AGBL1: variants seen among roughly 807,000 people sequenced by gnomAD.
AGBL1 encodes AGBL carboxypeptidase 1, also known as cytosolic carboxypeptidase 4.
AGBL1 carries 130 observed loss-of-function variants against 118.9 expected under a neutral mutation model. That is an observed-to-expected ratio of 1.09 (90% CI 0.95 to 1.26). The LOEUF is 1.26. AGBL1 is among the 50% of genes most tolerant of loss of function. The pLI is 0.00. For missense variants in AGBL1, 1,584 were observed against 1,298.1 expected, an observed-to-expected ratio of 1.22 and a Z score of -3.38; for synonymous variants, 555 against 478.9, an observed-to-expected ratio of 1.16 and a Z score of -2.08.
chr15:86,476,179 G>T (rs1392157305), intron 18 of AGBL1, among the ~76,000 whole-genome samples: 4 of 152,128 alleles, frequency 2.6e-5, no homozygotes, highest in African/African-American at 9.7e-5. Context: ...CAACTAATGA[G>T]CAAAATAACC....
chr15:86,787,130 A>G (rs187323209), intron 22 of AGBL1, among the ~76,000 whole-genome samples: 2 of 152,294 alleles, frequency 1.3e-5, no homozygotes, highest in East Asian at 1.9e-4. Flanking sequence ...ATGAATTTGT[A>G]TATATTTAAT....
chr15:86,964,031 C>CTCTCTCTG (rs1183866210), intron 23 of AGBL1, among the ~76,000 whole-genome samples: 155 of 146,300 alleles, frequency 1.1e-3, no homozygotes, highest in Admixed American at 2.4e-3. Context: ...CTCTCTCTCT[C>CTCTCTCTG]TGTGTGTGTG....
chr15:86,678,087 G>C (rs1032869286), intron 22 of AGBL1, among the ~76,000 whole-genome samples: 32 of 152,160 alleles, frequency 2.1e-4, no homozygotes, highest in African/African-American at 7.0e-4. Context: ...GCTAAGTCTA[G>C]TAATTAACCT....
intron 22 of AGBL1, among the ~76,000 whole-genome samples, chr15:86,766,437 C>G (rs2078098109): frequency 6.6e-6 from 1 of 151,894 alleles, no homozygotes; most frequent in African/African-American, 2.4e-5. Context: ...CCCTATGTCT[C>G]AGACAAGTTA....
At chr15:86,491,370 G>A (rs2142142332) in intron 18 of AGBL1, among the ~76,000 whole-genome samples, 1 of 152,244 alleles carries the variant, frequency 6.6e-6, no homozygotes, top group Middle Eastern at 3.4e-3. Flanking sequence ...GGAGGTGCAT[G>A]TGAGGACCAG....
chr15:86,536,120 A>G (rs7169569), intron 19 of AGBL1, among the ~76,000 whole-genome samples: 2,516 of 152,302 alleles, frequency 0.017, 68 homozygotes, highest in African/African-American at 0.056. Flanking sequence ...AAGGTTAAAC[A>G]AGGCTTCTTT....
intron 19 of AGBL1, among the ~76,000 whole-genome samples, chr15:86,524,513 C>T (rs962780426): frequency 5.9e-5 from 9 of 152,132 alleles, no homozygotes; most frequent in Admixed American, 5.9e-4. Context: ...AACCAGGAAA[C>T]CTCACTTAGC....
chr15:86,242,223 A>G (rs74492248), intron 6 of AGBL1, among the ~76,000 whole-genome samples: 6,063 of 152,210 alleles, frequency 0.04, 388 homozygotes, highest in African/African-American at 0.14. Context: ...TATTAGCAGC[A>G]TGAGAACAGA....
At chr15:86,104,360 C>G (rs1004280971) in intron 1 of AGBL1, among the ~76,000 whole-genome samples, 4 of 152,140 alleles carry the variant, frequency 2.6e-5, no homozygotes, top group Non-Finnish European at 5.9e-5. Context: ...TTAGTGGCAG[C>G]AGCCATAGAC....
intron 17 of AGBL1, among the ~76,000 whole-genome samples, chr15:86,369,044 G>T (rs767632517): frequency 1.9e-4 from 29 of 152,124 alleles, no homozygotes; most frequent in Non-Finnish European, 3.1e-4. Context: ...GTTAAAAGTG[G>T]AAGTTTTCAG....
At chr15:86,359,781 T>A (rs1420361061) in intron 17 of AGBL1, among the ~76,000 whole-genome samples, 1 of 151,956 alleles carries the variant, frequency 6.6e-6, no homozygotes, top group Non-Finnish European at 1.5e-5. Context: ...AGTCTTTGGT[T>A]AAATTTATTG....
intron 22 of AGBL1, among the ~76,000 whole-genome samples, chr15:86,894,617 A>T (rs1397398302): frequency 6.6e-6 from 1 of 152,116 alleles, no homozygotes; most frequent in Non-Finnish European, 1.5e-5. Flanking sequence ...AGTTAATAAG[A>T]TTGGAGGTGA....
At chr15:86,114,202 C>G (rs1369101388) in intron 1 of AGBL1, among the ~76,000 whole-genome samples, 2 of 152,208 alleles carry the variant, frequency 1.3e-5, no homozygotes, top group African/African-American at 4.8e-5. Flanking sequence ...TGCCATTTTC[C>G]CATTTGAAAT....
In AGBL1 at chr15:86,923,929, A is replaced by G. The variant is rs532674789; in HGVS notation, c.3222-64058A>G. ...AATCCTCTACTTTTCCCATGAGGCC[A>G]TGATATCATTACACCTTCCTGGAGC... is the stretch of plus-strand genomic sequence containing the variant. On this transcript the variant is annotated intron_variant, in intron 23 of 24. Coordinates refer to the AGBL1 transcript ENST00000441037. Among the ~76,000 whole-genome samples the G allele has an allele frequency of 5.1e-4, 77 of 152,348 alleles. 1 individual carries two copies. In the South Asian group the frequency reaches 0.016, roughly 32 times the overall value.
rs1228560777 is a variant in AGBL1 at position 86,433,244 on chromosome 15, C to CCTCCTCCTT, written c.2555+35706_2555+35707insTCTCCTCCT. 2.7e-3 allele frequency among the ~76,000 whole-genome samples: 390 copies of CCTCCTCCTT among 142,438 alleles called. 3 individuals are homozygous for CCTCCTCCTT. Among genetic ancestry groups the CCTCCTCCTT allele is most frequent in the African/African-American group, 8.2e-3 (297 of 36,364 alleles). 93.4% of individuals were successfully genotyped at this position (142,438 alleles called of 152,430 possible). ...TTCTTCTTCTTCTCCTCCTCCTTCT[C>CCTCCTCCTT]CTCCTCCTCCTCCTCCTTCTTCTTT... On this transcript the variant is annotated intron_variant, in intron 18 of 22. Coordinates refer to ENST00000614907, the MANE Select transcript of AGBL1 (RefSeq NM_001386094.1).
Position 86,828,402 on chromosome 15 carries a change from A to G in AGBL1, c.3159-78685A>G, listed in dbSNP as rs192987967. ...ATGTGATTAAGTGTAGAATCTCGAG[A>G]TGGGAAGATTATCCTGAATTATCCC... On this transcript the variant is annotated intron_variant, in intron 22 of 22. Transcript: ENST00000614907. 1.4e-4 allele frequency among the ~76,000 whole-genome samples: 21 copies of G among 146,392 alleles called. No individual in the cohort carries two copies. In the East Asian group the frequency reaches 3.5e-3, roughly 25 times the overall value.
At chr15:86,251,967 GC>G (rs1379963984) in intron 7 of AGBL1, among the ~76,000 whole-genome samples, 1 of 152,168 alleles carries the variant, frequency 6.6e-6, no homozygotes, top group Admixed American at 6.5e-5. Context: ...AGTTTAAGGG[GC>G]CTGAAAGGTT....
At position 86,500,757 on chromosome 15, in the gene AGBL1, C is replaced by A. The variant is rs548597040; in HGVS notation, c.2556-22053C>A. Among the ~76,000 whole-genome samples, 6 of 151,812 alleles carry A rather than the reference C, an allele frequency of 4.0e-5. No homozygotes were observed. In the South Asian group the frequency reaches 1.2e-3, roughly 32 times the overall value. The stretch of plus-strand genomic sequence containing the variant: ...ATAAATGGTATGATATAATGTATGG[C>A]CTTTTATGTCTGCCTTCTTTCACTC... On this transcript the variant is annotated intron_variant, in intron 18 of 22. Transcript: ENST00000614907.
downstream of AGBL1, among the ~76,000 whole-genome samples, chr15:87,029,484 CTATT>C (rs1277184717): frequency 8.0e-6 from 1 of 124,820 alleles, no homozygotes; most frequent in Non-Finnish European, 1.6e-5. Flanking sequence ...GACCAGCACT[CTATT>C]TATAATAATA....
Sources: allele counts gnomAD v4.1 joint callset (sites outside exome capture counted in the v4.1 genomes callset), GRCh38; gene constraint gnomAD v4.1.1; transcripts MANE v1.5; gene names NCBI Gene and HGNC (gene_info 2026-07-23, HGNC 2026-07-21).